KIAA1755: variants seen among roughly 807,000 people sequenced by gnomAD.
KIAA1755 encodes the protein KIAA1755, also known as uncharacterized protein KIAA1755.
KIAA1755 carries 68 observed loss-of-function variants against 91.7 expected under a neutral mutation model. The ratio of observed to expected loss-of-function variants is 0.74; its 90% CI spans 0.61 to 0.91. KIAA1755 has a LOEUF of 0.91. KIAA1755 is among the 40% of genes least tolerant of loss of function. The probability of loss-of-function intolerance (pLI) is 0.00; values close to 1 mark genes in which losing one functional copy is unlikely to be tolerated. For missense variants in KIAA1755, 1,535 were observed against 1,494.4 expected, an observed-to-expected ratio of 1.03 and a Z score of -0.45; for synonymous variants, 610 against 604.6, an observed-to-expected ratio of 1.01 and a Z score of -0.13.
chr20:38,213,175 G>A lies in KIAA1755; in HGVS notation c.3470C>T (p.Thr1157Ile). The part of the protein sequence containing the change: ...DPAREHLLAT[T>I]FFRQQPPRQS... Reference sequence around the variant, plus strand: ...CCTGGGGGGCTGCTGCCGGAAGAAGGTGGTGGCAAGCAAATGCTCGCGGGC... The same window carrying A: ...CCTGGGGGGCTGCTGCCGGAAGAAGATGGTGGCAAGCAAATGCTCGCGGGC... The change falls in exon 14 of 14, where the codon ACC (threonine) becomes ATC (isoleucine). Residue 1157 changes from threonine to isoleucine, a missense_variant. By Grantham distance (89) the Thr-to-Ile change is moderately conservative. Coordinates refer to ENST00000279024, the MANE Select transcript of KIAA1755 (RefSeq NM_001029864.2). 1 of 1,613,834 alleles carries A rather than the reference G, an allele frequency of 6.2e-7. No homozygotes were observed. Among genetic ancestry groups the A allele is most frequent in the Non-Finnish European group, 8.5e-7 (1 of 1,179,986 alleles).
chr20:38,232,225 G>A (rs2075878495), intron 4 of KIAA1755, among the ~76,000 whole-genome samples: 2 of 152,196 alleles, frequency 1.3e-5, no homozygotes, highest in African/African-American at 2.4e-5. Flanking sequence ...AGCTCACGAA[G>A]CCTTGGACAA....
At chr20:38,258,762 C>G (rs1383661380) in intron 1 of KIAA1755, among the ~76,000 whole-genome samples, 1 of 152,004 alleles carries the variant, frequency 6.6e-6, no homozygotes, top group African/African-American at 2.4e-5. Flanking sequence ...AGAAGTGAGG[C>G]CAGGGAGGTA....
At position 38,241,897 on chromosome 20, in the gene KIAA1755, C is replaced by G; in HGVS notation, c.234G>C (p.Glu78Asp). The G allele has an allele frequency of 6.2e-7, 1 of 1,613,592 alleles. No homozygotes were observed. Among genetic ancestry groups the G allele is most frequent in the Non-Finnish European group, 8.5e-7 (1 of 1,179,944 alleles). ...APYSHCLFLHEGWPLCLRDEV... is the reference protein window; with the variant it reads ...APYSHCLFLHDGWPLCLRDEV... ...CATCCCTCAGACAGAGTGGCCAGCC[C>G]TCGTGTAAGAAGAGGCAGTGTGAGT... is the stretch of plus-strand genomic sequence containing the variant. Residue 78 changes from glutamate (E) to aspartate (D), a missense_variant, in exon 3 of 14, where the codon GAG becomes GAC. Physicochemically the swap from Glu to Asp is conservative, Grantham distance 45 (BLOSUM62 2). Transcript: ENST00000279024.
chr20:38,213,767 G>A lies in KIAA1755; in HGVS notation c.2902-24C>T, dbSNP rs529291581. ...ATCTGGGGGACAAGAAGAGAGGGAG[G>A]TGGGGGCTCAGGCTGGAAGTGGGAC... On this transcript the variant is annotated intron_variant, in intron 13 of 13. Coordinates refer to ENST00000279024, the MANE Select transcript of KIAA1755 (RefSeq NM_001029864.2). 3.4e-5 allele frequency: 49 copies of A among 1,427,376 alleles called. 1 individual carries two copies. The South Asian group carries it at 6.7e-4, about 19-fold the overall frequency. The allele number at this position is 1,427,376 out of a possible 1,614,324, so 88.4% of individuals were successfully genotyped here. A position where few individuals can be genotyped will look rare whatever the true frequency, so the allele number is the denominator to read the frequency against.
chr20:38,228,182 G>T lies in KIAA1755; in HGVS notation c.1930C>A (p.Gln644Lys). ...VLIDARRQPP[Q>K]PGLVSALQAT... ...TGCAGGGCGCTGACCAGACCGGGCT[G>T]TGGGGGCTGTCTCCTGGCGTCAATC... Residue 644 changes from glutamine to lysine, a missense_variant, in exon 6 of 14, where the codon CAG becomes AAG. Physicochemically the swap from Gln to Lys is moderately conservative, Grantham distance 53 (BLOSUM62 1). Transcript: ENST00000279024. The T allele has an allele frequency of 6.2e-7, 1 of 1,605,426 alleles. No individual in the cohort carries two copies. Among genetic ancestry groups the T allele is most frequent in the Non-Finnish European group, 8.5e-7 (1 of 1,176,432 alleles).
rs761365744 is a variant in KIAA1755 at position 38,239,561 on chromosome 20, T to G, written c.1714A>C (p.Lys572Gln). 1 of 1,613,656 alleles carries G rather than the reference T, an allele frequency of 6.2e-7. No homozygotes were observed. The highest frequency in any genetic ancestry group is 2.2e-5 in the East Asian group (1 of 44,844). Residue 572 changes from lysine (K) to glutamine (Q), a missense_variant, in exon 4 of 14, where the codon AAG becomes CAG. Transcript: ENST00000279024. ...PEPRIGALGV[K>Q]VFRSRIACLP... ...CATGCTATCCTGGAGCGGAAAACCTTGACACCTAGAGCCCCAATCCTGGGC... is the reference window on the plus strand; with the variant it reads ...CATGCTATCCTGGAGCGGAAAACCTGGACACCTAGAGCCCCAATCCTGGGC...
chr20:38,227,273 C>G (rs768341320), intron 6 of KIAA1755, 33 bp from the exon 7 acceptor site: 1 of 1,552,540 alleles, frequency 6.4e-7, no homozygotes, highest in Non-Finnish European at 8.9e-7. Flanking sequence ...AGTTGCTCTG[C>G]CCAAGGCTTC....
At position 38,246,102 on chromosome 20, in the gene KIAA1755, T is replaced by C. The variant is rs753859495; in HGVS notation, c.28A>G (p.Ile10Val). The C allele has an allele frequency of 2.5e-6, 4 of 1,613,668 alleles. No homozygotes were observed. Among genetic ancestry groups the C allele is most frequent in the Admixed American group, 1.7e-5 (1 of 60,012 alleles). Reference protein sequence around the residue: MDPPSLDTAIQHALAGLYPP... With the variant: MDPPSLDTAVQHALAGLYPP... Reference sequence around the variant, plus strand: ...TAGAGGCCCGCCAGGGCATGCTGGATGGCTGTGTCGAGGGATGGAGGGTCC... The same window carrying C: ...TAGAGGCCCGCCAGGGCATGCTGGACGGCTGTGTCGAGGGATGGAGGGTCC... The change falls in exon 2 of 14, where the codon ATC (isoleucine) becomes GTC (valine). Residue 10 changes from isoleucine to valine, a missense_variant. Coordinates refer to ENST00000279024, the MANE Select transcript of KIAA1755 (RefSeq NM_001029864.2).
intron 2 of KIAA1755, among the ~76,000 whole-genome samples, chr20:38,244,943 G>T (rs1475756303): frequency 6.6e-6 from 1 of 152,138 alleles, no homozygotes; most frequent in Admixed American, 6.5e-5. Flanking sequence ...GGCCAGGCTG[G>T]TCTCAAACCC....
chr20:38,222,630 T>C, intron 9 of KIAA1755, 33 bp from the exon 10 acceptor site: 4 of 1,605,050 alleles, frequency 2.5e-6, no homozygotes, highest in Non-Finnish European at 3.4e-6. Context: ...TGAGGCCCCA[T>C]CCCCACTCTC....
In KIAA1755 at chr20:38,241,389, G is replaced by C. The variant is rs776443708; in HGVS notation, c.742C>G (p.Leu248Val). Residue 248 changes from leucine (L) to valine (V), a missense_variant, in exon 3 of 14, where the codon CTC becomes GTC. Physicochemically the swap from Leu to Val is conservative, Grantham distance 32. Coordinates refer to ENST00000279024, the MANE Select transcript of KIAA1755 (RefSeq NM_001029864.2). ...CACCGGGCTTGCTCCACCTTGATGAGTCCTGGATACTTGCTCCCATATGTC... is the reference window on the plus strand; with the variant it reads ...CACCGGGCTTGCTCCACCTTGATGACTCCTGGATACTTGCTCCCATATGTC... ...GRTYGSKYPG[L>V]IKVEQARCGE... 2.0e-5 allele frequency: 33 copies of C among 1,614,072 alleles called. No homozygotes were observed. Among genetic ancestry groups the C allele is most frequent in the Non-Finnish European group, 2.6e-5 (31 of 1,180,042 alleles).
At chr20:38,259,823 CACA>C (rs1386172738) in intron 1 of KIAA1755, among the ~76,000 whole-genome samples, 47 of 70,418 alleles carry the variant, frequency 6.7e-4, no homozygotes, top group Non-Finnish European at 8.7e-4. Context: ...ACCACCACCA[CACA>C]CACACACACA....
rs1237906337 is a variant in KIAA1755, at chr20:38,213,132, G to A, written c.3513C>T (p.Arg1171=). ...QQPPRQSQVP[R]LTGGSFSSEG... is the part of the protein sequence containing the mutation. Reference sequence around the variant, plus strand: ...CTGAGGAGAAGCTGCCCCCAGTGAGGCGAGGGACCTGGCTCTGCCTGGGGG... The same window carrying A: ...CTGAGGAGAAGCTGCCCCCAGTGAGACGAGGGACCTGGCTCTGCCTGGGGG... Residue 1171 remains arginine (R), a synonymous_variant, in exon 14 of 14, where the codon CGC becomes CGT. Coordinates refer to ENST00000279024, the MANE Select transcript of KIAA1755 (RefSeq NM_001029864.2). 3 of 1,611,484 alleles carry A rather than the reference G, an allele frequency of 1.9e-6. No homozygotes were observed. Among genetic ancestry groups the A allele is most frequent in the East Asian group, 2.2e-5 (1 of 44,862 alleles).
chr20:38,240,908 T>G lies in KIAA1755; in HGVS notation c.1223A>C (p.Glu408Ala). The G allele has an allele frequency of 1.2e-6, 2 of 1,614,082 alleles. No homozygotes were observed. The highest frequency in any genetic ancestry group is 1.7e-6 in the Non-Finnish European group (2 of 1,179,960). The part of the protein sequence containing the change: ...SKMQGPLGNP[E>A]NMVQLRPGPR... ...TCCAGGCCTGAGCTGCACCATATTC[T>G]CTGGGTTTCCTAGAGGTCCCTGCAT... Residue 408 changes from glutamate (E) to alanine (A), a missense_variant, in exon 3 of 14, where the codon GAG (glutamate) becomes GCG (alanine). Glu to Ala is a moderately radical substitution (Grantham distance 107). Coordinates refer to ENST00000279024, the MANE Select transcript of KIAA1755 (RefSeq NM_001029864.2).
intron 5 of KIAA1755, among the ~76,000 whole-genome samples, chr20:38,229,864 AC>A (rs1371197532): frequency 6.6e-6 from 1 of 151,938 alleles, no homozygotes; most frequent in Non-Finnish European, 1.5e-5. Context: ...GTCACTTTCC[AC>A]CACAGAAAAA....
At chr20:38,215,823 A>G (rs1568729326) in intron 13 of KIAA1755, among the ~76,000 whole-genome samples, 1 of 152,138 alleles carries the variant, frequency 6.6e-6, no homozygotes, top group Non-Finnish European at 1.5e-5. Flanking sequence ...CCTCTTAATG[A>G]TAATAATAAT....
chr20:38,241,092 G>T lies in KIAA1755; in HGVS notation c.1039C>A (p.Pro347Thr), dbSNP rs746011849. The T allele has an allele frequency of 6.2e-7, 1 of 1,614,100 alleles. No individual in the cohort carries two copies. Among genetic ancestry groups the T allele is most frequent in the Non-Finnish European group, 8.5e-7 (1 of 1,180,002 alleles). Residue 347 changes from proline (P) to threonine (T), a missense_variant, in exon 3 of 14, where the codon CCC becomes ACC. Physicochemically the swap from Pro to Thr is conservative, Grantham distance 38. Coordinates refer to ENST00000279024, the MANE Select transcript of KIAA1755 (RefSeq NM_001029864.2). ...CTKPESSEER[P>T]YNLGFRRKVN... ...TTTCTCCTGAAGCCCAAATTATAGG[G>T]CCTCTCCTCAGAGCTTTCTGGCTTT...
intron 11 of KIAA1755, 144 bp downstream of exon 11, chr20:38,219,486 C>G: frequency 2.8e-6 from 3 of 1,069,582 alleles, no homozygotes; most frequent in East Asian, 2.5e-5. Flanking sequence ...CCCAAGGATG[C>G]CTGCCTGGCC....
chr20:38,227,445 G>T (rs560285345), intron 6 of KIAA1755, among the ~76,000 whole-genome samples: 12 of 152,376 alleles, frequency 7.9e-5, no homozygotes, highest in Admixed American at 2.0e-4. Flanking sequence ...GGTTCAAGTT[G>T]TGTTGCAAAT....
Sources: allele counts gnomAD v4.1 joint callset (sites outside exome capture counted in the v4.1 genomes callset), GRCh38; gene constraint gnomAD v4.1.1; transcripts MANE v1.5; gene names NCBI Gene and HGNC (gene_info 2026-07-23, HGNC 2026-07-21).